The following FER1L6 variants were observed in gnomAD, a reference collection of about 807,000 sequenced individuals.
FER1L6 encodes fer-1 like family member 6.
FER1L6 carries 177 observed loss-of-function variants against 219.2 expected under a neutral mutation model. The ratio of observed to expected loss-of-function variants is 0.81; its 90% CI spans 0.71 to 0.91. The LOEUF (loss-of-function observed/expected upper bound fraction) is 0.91. Among genes scored for constraint, FER1L6 ranks in the 40% least tolerant of loss-of-function variants. The pLI is 0.00. For missense variants in FER1L6, 2,153 were observed against 2,259.9 expected (o/e 0.95, Z 0.96); for synonymous variants, 768 against 824.3 (o/e 0.93, Z 1.17).
At chr8:123,992,077 G>A (rs1312972969) in intron 12 of FER1L6, among the ~76,000 whole-genome samples, 1 of 152,026 alleles carries the variant, frequency 6.6e-6, no homozygotes, top group Non-Finnish European at 1.5e-5. Flanking sequence ...TTTTCTTTTT[G>A]ATGTGCTGTT....
intron 3 of FER1L6, among the ~76,000 whole-genome samples, chr8:123,965,001 G>A (rs989741066): frequency 6.6e-6 from 1 of 152,044 alleles, no homozygotes; most frequent in Admixed American, 6.6e-5. Context: ...TCTGGCACTG[G>A]GCTTTCACAT....
intron 1 of FER1L6, among the ~76,000 whole-genome samples, chr8:123,855,770 A>G (rs562846580): frequency 6.8e-6 from 1 of 146,406 alleles, no homozygotes; most frequent in African/African-American, 2.6e-5. Context: ...ATGTGTGTGT[A>G]TATATATGTG....
At position 123,852,005 on chromosome 8, in the gene FER1L6, C is replaced by A. The variant is rs1816514950; in HGVS notation, c.-188C>A. 1.3e-5 allele frequency: 2 copies of A among 152,238 alleles called. No individual in the cohort carries two copies. Among genetic ancestry groups the A allele is most frequent in the African/African-American group, 4.8e-5 (2 of 41,466 alleles). The allele number at this position is 152,238 out of a possible 1,614,324, so 9.4% of individuals were successfully genotyped here. The stretch of plus-strand genomic sequence containing the variant: ...ACCTAGTTGGTGAGGTTGCCTGTAA[C>A]TGACTTCAAAAGGCCATTCCACCAT... On this transcript the variant is annotated 5_prime_UTR_variant, in exon 1 of 41. In the 5' UTR this introduces an upstream ATG that the reference lacks. Coordinates refer to ENST00000522917, the MANE Select transcript of FER1L6 (RefSeq NM_001039112.2). The surrounding 1 kb of genome is among the most constrained non-coding windows in gnomAD (Gnocchi z 4.9).
At chr8:123,944,893 TCTC>T (rs796244763) in intron 1 of FER1L6, among the ~76,000 whole-genome samples, 1 of 152,174 alleles carries the variant, frequency 6.6e-6, no homozygotes, top group South Asian at 2.1e-4. Flanking sequence ...GCTCCATCCT[TCTC>T]CTTGTTTTAC....
At chr8:123,981,563 G>A (rs925860708) in intron 11 of FER1L6, among the ~76,000 whole-genome samples, 1 of 152,184 alleles carries the variant, frequency 6.6e-6, no homozygotes, top group Non-Finnish European at 1.5e-5. Context: ...AGGGAAGGGA[G>A]GTGATGCTCA....
chr8:124,064,637 C>T, intron 26 of FER1L6, 64 bp downstream of exon 26: 6 of 1,448,662 alleles, frequency 4.1e-6, no homozygotes, highest in Non-Finnish European at 5.7e-6. Flanking sequence ...AGGTCTCAGA[C>T]AATATGAAGT....
chr8:123,923,929 G>A (rs1813460724), intron 1 of FER1L6, among the ~76,000 whole-genome samples: 1 of 124,044 alleles, frequency 8.1e-6, no homozygotes, highest in African/African-American at 3.1e-5. Context: ...TACAGATCGA[G>A]ACTCCAACTA....
At chr8:123,936,875 G>T (rs533429906) in intron 1 of FER1L6, among the ~76,000 whole-genome samples, 1 of 152,188 alleles carries the variant, frequency 6.6e-6, no homozygotes, top group South Asian at 2.1e-4. Context: ...GGTTAAAATG[G>T]TTATCCTCAT....
intron 39 of FER1L6, among the ~76,000 whole-genome samples, chr8:124,108,042 G>A (rs1169852153): frequency 6.6e-6 from 1 of 152,198 alleles, no homozygotes; most frequent in Non-Finnish European, 1.5e-5. Flanking sequence ...AACAGCCCCA[G>A]GTCAGCAGAT....
intron 18 of FER1L6, among the ~76,000 whole-genome samples, chr8:124,025,054 T>A (rs1232007754): frequency 7.5e-6 from 1 of 134,076 alleles, no homozygotes; most frequent in Non-Finnish European, 1.5e-5. Flanking sequence ...AATGGAATTA[T>A]TTTTTTATGT....
At chr8:124,037,471 G>A (rs776624009) in intron 19 of FER1L6, among the ~76,000 whole-genome samples, 2 of 152,220 alleles carry the variant, frequency 1.3e-5, no homozygotes, top group Non-Finnish European at 1.5e-5. Context: ...ATTGGTGTAT[G>A]TGGCAGTGGG....
chr8:123,973,424 C>T lies in FER1L6; in HGVS notation c.448-10C>T. 1 of 1,610,652 alleles carries T rather than the reference C, an allele frequency of 6.2e-7. No homozygotes were observed. Among genetic ancestry groups the T allele is most frequent in the African/African-American group, 1.3e-5 (1 of 74,976 alleles). On this transcript the variant is annotated splice_polypyrimidine_tract_variant and intron_variant, in intron 6 of 40. Coordinates refer to ENST00000522917, the MANE Select transcript of FER1L6 (RefSeq NM_001039112.2). Reference sequence around the variant, plus strand: ...AAATCTGCCATACTCCCTGCTCTCTCTCTCCTCAGGTCTTTCACCACAAGC... The same window carrying T: ...AAATCTGCCATACTCCCTGCTCTCTTTCTCCTCAGGTCTTTCACCACAAGC...
rs1320382781 is a variant in FER1L6 at position 124,062,048 on chromosome 8, T to C, written c.3328+16T>C. 1.2e-6 allele frequency: 2 copies of C among 1,613,488 alleles called. No homozygotes were observed. The highest frequency in any genetic ancestry group is 2.2e-5 in the South Asian group (2 of 91,028). The stretch of plus-strand genomic sequence containing the variant: ...CCTGGGCACGGTGAGAAGCTGCTCT[T>C]AGATTTTGTAGCTGTAACTATAAAG... On this transcript the variant is annotated intron_variant, in intron 25 of 40. Transcript: ENST00000522917.
At chr8:123,950,174 T>G (rs1814693462) in intron 1 of FER1L6, among the ~76,000 whole-genome samples, 1 of 152,170 alleles carries the variant, frequency 6.6e-6, no homozygotes, top group South Asian at 2.1e-4. Context: ...TGTACTGCAT[T>G]GTTGACTTGA....
chr8:123,922,891 C>G (rs1813414132), intron 1 of FER1L6, among the ~76,000 whole-genome samples: 1 of 152,058 alleles, frequency 6.6e-6, no homozygotes, highest in South Asian at 2.1e-4. Flanking sequence ...GTGTGTAATC[C>G]AAAGCCCCAC....
intron 2 of FER1L6, among the ~76,000 whole-genome samples, 157 bp downstream of exon 2, chr8:123,956,231 C>T (rs1815013050): frequency 6.6e-6 from 1 of 152,138 alleles, no homozygotes; most frequent in African/African-American, 2.4e-5. Flanking sequence ...AGGTGTGGGC[C>T]CAAGACAACC....
In FER1L6 at chr8:123,974,659, C is replaced by CAAAAAAAAAAAAAAAAAAAAAAAAA. The variant is rs994690186; in HGVS notation, c.527-468_527-467insAAAAAAAAAAAAAAAAAAAAAAAAA. 2.4e-3 allele frequency among the ~76,000 whole-genome samples: 116 copies of CAAAAAAAAAAAAAAAAAAAAAAAAA among 47,768 alleles called. 3 individuals carry two copies. The highest frequency in any genetic ancestry group is 3.3e-3 in the East Asian group (6 of 1,840). The allele number at this position is 47,768 out of a possible 152,430, so 31.3% of individuals were successfully genotyped here. A position where few individuals can be genotyped will look rare whatever the true frequency, so the allele number is the denominator to read the frequency against. On this transcript the variant is annotated intron_variant, in intron 7 of 40. Coordinates refer to ENST00000522917, the MANE Select transcript of FER1L6 (RefSeq NM_001039112.2). ...CAGGCATCACAGCGAGACTCTGTCTCAAAAAAAAAAAAAAAAAAAAAAAGA... is the reference window on the plus strand; with the variant it reads ...CAGGCATCACAGCGAGACTCTGTCTCAAAAAAAAAAAAAAAAAAAAAAAAAAAAAAAAAAAAAAAAAAAAAAAAGA...
rs1820972996 is a variant in FER1L6, at chr8:124,069,459, A to G, written c.3818A>G (p.Asn1273Ser). ...AAACCCAAAGATGATGGAATCCCCA[A>G]CCTGGCCATCTTGCAGGTATGTGGG... Reference protein sequence around the residue: ...KKKPKDDGIPNLAILQIYDGD... With the variant: ...KKKPKDDGIPSLAILQIYDGD... The change falls in exon 29 of 41, where the codon AAC (asparagine) becomes AGC (serine). Residue 1273 changes from asparagine to serine, a missense_variant. Physicochemically the swap from Asn to Ser is conservative, Grantham distance 46 (BLOSUM62 1). Coordinates refer to ENST00000522917, the MANE Select transcript of FER1L6 (RefSeq NM_001039112.2). 6.2e-7 allele frequency: 1 copy of G among 1,609,084 alleles called. No homozygotes were observed. The highest frequency in any genetic ancestry group is 1.3e-5 in the African/African-American group (1 of 74,394).
At chr8:124,105,307 T>G (rs1222638558) in intron 39 of FER1L6, among the ~76,000 whole-genome samples, 2 of 152,184 alleles carry the variant, frequency 1.3e-5, no homozygotes, top group South Asian at 2.1e-4. Flanking sequence ...GTGTGATGCA[T>G]GAGGGCAGTG....
Sources: allele counts gnomAD v4.1 joint callset (sites outside exome capture counted in the v4.1 genomes callset), GRCh38; gene constraint gnomAD v4.1.1; non-coding constraint Gnocchi (gnomAD v3.1); transcripts MANE v1.5; gene names NCBI Gene and HGNC (gene_info 2026-07-23, HGNC 2026-07-21).